Variants in INPP5D observed in about 807,000 individuals in gnomAD.
INPP5D encodes the protein phosphatidylinositol 3,4,5-trisphosphate 5-phosphatase 1.
A neutral mutation model predicts 122.9 loss-of-function variants in INPP5D; 33 were observed. The observed-to-expected ratio is 0.27, with a 90% CI of 0.20 to 0.36. The LOEUF (loss-of-function observed/expected upper bound fraction) is 0.36. Among genes scored for constraint, INPP5D ranks in the 10% least tolerant of loss-of-function variants. The probability of loss-of-function intolerance (pLI) is 1.00; values close to 1 mark genes in which losing one functional copy is unlikely to be tolerated. For synonymous variants in INPP5D, 584 were observed against 576.2 expected, an observed-to-expected ratio of 1.01 and a Z score of -0.19; for missense variants, 1,053 against 1,412.7, an observed-to-expected ratio of 0.75 and a Z score of 4.08.
chr2:233,187,052 C>T (rs1356045050), intron 21 of INPP5D, among the ~76,000 whole-genome samples: 2 of 151,992 alleles, frequency 1.3e-5, no homozygotes, highest in African/African-American at 4.8e-5. Context: ...GACATGATGG[C>T]ACATGCCTGG....
chr2:233,154,222 C>T (rs1048010851), intron 9 of INPP5D, among the ~76,000 whole-genome samples: 5 of 152,162 alleles, frequency 3.3e-5, no homozygotes, highest in South Asian at 4.1e-4. Context: ...GATCTCAGCT[C>T]GCAGCAACCT....
intron 14 of INPP5D, 55 bp downstream of exon 14, chr2:233,169,456 G>A (rs1694433373): frequency 3.2e-6 from 5 of 1,551,626 alleles, no homozygotes; most frequent in African/African-American, 1.4e-5. Flanking sequence ...GCCCAGACAC[G>A]CCTCACACCT....
rs188105466 is a variant in INPP5D, at chr2:233,122,278, C to T, written c.349+21C>T. ...CACAGGTAGGGAGGGAGGGACAGGA[C>T]GGCAGGAGGTACTTTTGGGAACTTG... On this transcript the variant is annotated intron_variant, in intron 3 of 26. Transcript: ENST00000445964. The T allele has an allele frequency of 9.5e-4, 1,532 of 1,608,914 alleles. 3 individuals carry two copies. Among genetic ancestry groups the T allele is most frequent in the Non-Finnish European group, 1.1e-3 (1,338 of 1,177,200 alleles).
rs539183564 is a variant in INPP5D, at chr2:233,179,014, G to A, written c.2071+1668G>A. The stretch of plus-strand genomic sequence containing the variant: ...GCCTGTCTCCTCCTACTGCCCAGAA[G>A]AGCCCAGAGCAGCTACCCTGAAATA... On this transcript the variant is annotated intron_variant, in intron 18 of 26. Transcript: ENST00000445964. Among the ~76,000 whole-genome samples the A allele has an allele frequency of 2.6e-5, 4 of 152,302 alleles. No homozygotes were observed. The South Asian group carries it at 8.3e-4, about 32-fold the overall frequency.
In INPP5D at chr2:233,130,531, C is replaced by T; in HGVS notation, c.548C>T (p.Ala183Val). The change falls in exon 5 of 27, where the codon GCC (alanine) becomes GTC (valine). Residue 183 changes from alanine to valine, a missense_variant. Transcript: ENST00000445964. ...AGGCTTCCAGAAGAGCATCTTAAGG[C>T]CATCCAAGATTATTTAAGCACTCAG... ...TSGLPEEHLK[A>V]IQDYLSTQLA... The T allele has an allele frequency of 6.2e-7, 1 of 1,613,952 alleles. No individual in the cohort carries two copies. The highest frequency in any genetic ancestry group is 8.5e-7 in the Non-Finnish European group (1 of 1,179,884).
intron 9 of INPP5D, among the ~76,000 whole-genome samples, chr2:233,150,288 G>A (rs1473723006): frequency 6.6e-6 from 1 of 152,170 alleles, no homozygotes; most frequent in Non-Finnish European, 1.5e-5. Flanking sequence ...AATCTCATGA[G>A]ATCTGATGGT....
chr2:233,163,912 C>T lies in INPP5D; in HGVS notation c.1437+9C>T, dbSNP rs368464628. The T allele has an allele frequency of 4.4e-5, 71 of 1,612,660 alleles. No homozygotes were observed. The highest frequency in any genetic ancestry group is 5.6e-5 in the Non-Finnish European group (66 of 1,178,994). ...GTGTGACTTTTAAAACAGTGAGCAG[C>T]TGGCTGCACGCTGGGTGGGCTTCCG... On this transcript the variant is annotated intron_variant, in intron 12 of 26. Transcript: ENST00000445964.
At chr2:233,065,867 A>G (rs11673758) in intron 1 of INPP5D, among the ~76,000 whole-genome samples, 38,095 of 150,400 alleles carry the variant, frequency 0.25, 7,200 homozygotes, top group African/African-American at 0.52. Flanking sequence ...GGCTGGTCTC[A>G]AACTCCTGAC....
intron 17 of INPP5D, among the ~76,000 whole-genome samples, chr2:233,175,924 CA>C (rs1694612991): frequency 6.6e-6 from 1 of 152,150 alleles, no homozygotes; most frequent in South Asian, 2.1e-4. Flanking sequence ...TCAGGTGATC[CA>C]CCCGCCTTGG....
At chr2:233,198,397 G>C in intron 25 of INPP5D, 21 bp downstream of exon 25, 1 of 1,595,388 alleles carries the variant, frequency 6.3e-7, no homozygotes, top group South Asian at 1.1e-5. Flanking sequence ...TCTTCATTAA[G>C]ACGGCTCCCT....
Position 233,105,778 on chromosome 2 carries a change from A to G in INPP5D, c.199-16329A>G, listed in dbSNP as rs1692450395. 1.3e-5 allele frequency among the ~76,000 whole-genome samples: 2 copies of G among 152,146 alleles called. No homozygotes were observed. Among genetic ancestry groups the G allele is most frequent in the African/African-American group, 4.8e-5 (2 of 41,428 alleles). On this transcript the variant is annotated intron_variant, in intron 2 of 26. Transcript: ENST00000445964. This position sits in a 1 kb window ranked among gnomAD's most constrained non-coding sequence, Gnocchi z 4.0. ...TCGAGGACAGGGGCCACAGGAGGACAGGCTGCCAGCAAGTGGAGGGTGCCA... is the reference window on the plus strand; with the variant it reads ...TCGAGGACAGGGGCCACAGGAGGACGGGCTGCCAGCAAGTGGAGGGTGCCA...
intron 2 of INPP5D, among the ~76,000 whole-genome samples, chr2:233,103,485 C>T (rs895458368): frequency 2.8e-4 from 42 of 152,220 alleles, no homozygotes; most frequent in African/African-American, 9.6e-4. Flanking sequence ...GCAGGCTTGC[C>T]TCATGTCAAA....
rs765188572 is a variant in INPP5D, at chr2:233,195,396, C to T, written c.2597-3C>T. The T allele has an allele frequency of 6.2e-7, 1 of 1,613,750 alleles. No individual in the cohort carries two copies. The highest frequency in any genetic ancestry group is 1.7e-5 in the Admixed American group (1 of 59,998). ...ATGCTCTTTCCCGTCCCTTTCCTTC[C>T]AGACTTTGTGAAGACGGAGCGTGAT... On this transcript the variant is annotated splice_region_variant and splice_polypyrimidine_tract_variant and intron_variant, in intron 23 of 26. Transcript: ENST00000445964.
intron 4 of INPP5D, among the ~76,000 whole-genome samples, chr2:233,127,445 C>T (rs900480491): frequency 6.6e-6 from 1 of 152,224 alleles, no homozygotes; most frequent in Admixed American, 6.5e-5. Context: ...ACATAGAGGA[C>T]TGCCTTTTGA....
chr2:233,137,877 T>TAC (rs769929508), intron 5 of INPP5D, among the ~76,000 whole-genome samples: 1 of 59,384 alleles, frequency 1.7e-5, no homozygotes, highest in Non-Finnish European at 3.6e-5. Context: ...TATATATATA[T>TAC]ATATATATAT....
chr2:233,174,930 G>A (rs1188882537), intron 17 of INPP5D, among the ~76,000 whole-genome samples: 1 of 152,066 alleles, frequency 6.6e-6, no homozygotes, highest in Non-Finnish European at 1.5e-5. Context: ...ACCAAAAATA[G>A]GTATAAGAAT....
At chr2:233,108,034 TC>T (rs1692512884) in intron 2 of INPP5D, among the ~76,000 whole-genome samples, 3 of 151,856 alleles carry the variant, frequency 2.0e-5, no homozygotes, top group Admixed American at 6.6e-5. Context: ...AGTGCCAGTT[TC>T]CCCCCTCCCA....
intron 25 of INPP5D, among the ~76,000 whole-genome samples, chr2:233,200,659 T>C (rs1408357489): frequency 6.6e-6 from 1 of 152,162 alleles, no homozygotes; most frequent in East Asian, 1.9e-4. Flanking sequence ...ATGCGAGATA[T>C]GCTCTAAGAA....
intron 2 of INPP5D, 89 bp downstream of exon 2, chr2:233,079,487 G>T: frequency 1.2e-6 from 1 of 863,802 alleles, no homozygotes; most frequent in Non-Finnish European, 1.9e-6. Context: ...GGAAGTGCAC[G>T]CGCAGGTAGC....
Sources: allele counts gnomAD v4.1 joint callset (sites outside exome capture counted in the v4.1 genomes callset), GRCh38; gene constraint gnomAD v4.1.1; non-coding constraint Gnocchi (gnomAD v3.1); transcripts MANE v1.5; gene names NCBI Gene and HGNC (gene_info 2026-07-23, HGNC 2026-07-21).